The following PARD3B variants were observed in gnomAD, a reference collection of about 807,000 sequenced individuals.
PARD3B encodes par-3 family cell polarity regulator beta.
Under a neutral mutation model 130.2 loss-of-function variants are expected in PARD3B, and 103 were observed. The observed-to-expected ratio is 0.79, with a 90% CI of 0.67 to 0.93. The LOEUF is 0.93. Ranked by LOEUF, PARD3B falls within the 40% of genes least tolerant of loss-of-function variation. PARD3B has a pLI of 0.00. For synonymous variants in PARD3B, 583 were observed against 553.2 expected (o/e 1.05, Z -0.76); for missense variants, 1,609 against 1,499.2 (o/e 1.07, Z -1.21).
At chr2:204,762,116 ATT>A (rs968166780) in intron 2 of PARD3B, among the ~76,000 whole-genome samples, 1,326 of 95,270 alleles carry the variant, frequency 0.014, 2 homozygotes, top group African/African-American at 0.05. Flanking sequence ...TTCTTTTTCT[ATT>A]TTTTTTTTTT....
chr2:205,365,950 A>G (rs895713059), intron 18 of PARD3B, among the ~76,000 whole-genome samples: 1 of 152,188 alleles, frequency 6.6e-6, no homozygotes, highest in Non-Finnish European at 1.5e-5. Context: ...TATAGGTTAC[A>G]TGACCACATA....
At chr2:205,005,442 G>A (rs1275057562) in intron 3 of PARD3B, among the ~76,000 whole-genome samples, 1 of 152,120 alleles carries the variant, frequency 6.6e-6, no homozygotes, top group Non-Finnish European at 1.5e-5. Flanking sequence ...TTTAAAAATA[G>A]AGAGGTCAGC....
At chr2:205,071,907 G>C (rs558452021) in intron 4 of PARD3B, among the ~76,000 whole-genome samples, 2 of 151,818 alleles carry the variant, frequency 1.3e-5, no homozygotes, top group African/African-American at 2.4e-5. Flanking sequence ...CAAAACACTG[G>C]TCATTACATT....
At chr2:205,037,347 G>T (rs1698046573) in intron 3 of PARD3B, among the ~76,000 whole-genome samples, 2 of 89,276 alleles carry the variant, frequency 2.2e-5, no homozygotes, top group South Asian at 1.1e-3. Context: ...TATATATAGT[G>T]GACTATTTGT....
chr2:204,868,038 C>T (rs2045493178), intron 2 of PARD3B, among the ~76,000 whole-genome samples: 1 of 152,146 alleles, frequency 6.6e-6, no homozygotes, highest in African/African-American at 2.4e-5. Context: ...CTGAGAGAAA[C>T]ATCCTAGGTG....
intron 21 of PARD3B, among the ~76,000 whole-genome samples, chr2:205,524,004 A>C (rs1375598310): frequency 6.6e-6 from 1 of 151,964 alleles, no homozygotes; most frequent in Non-Finnish European, 1.5e-5. Flanking sequence ...CTGCTTCCCA[A>C]GGTTTTTTTC....
In PARD3B at chr2:205,325,010, T is replaced by G. The variant is rs576252623; in HGVS notation, c.2630+23309T>G. On this transcript the variant is annotated intron_variant, in intron 18 of 22. Coordinates refer to ENST00000406610, the MANE Select transcript of PARD3B (RefSeq NM_001302769.2). This position sits in a 1 kb window ranked among gnomAD's most constrained non-coding sequence, Gnocchi z 4.1. ...CAATTCGTTACCAAGTTCCACAAAT[T>G]CTACTCTCTAAGAATCTAAATTCTC... Among the ~76,000 whole-genome samples, 3 of 152,272 alleles carry G rather than the reference T, an allele frequency of 2.0e-5. No individual in the cohort carries two copies. Among genetic ancestry groups the G allele is most frequent in the African/African-American group, 7.2e-5 (3 of 41,564 alleles).
rs1317845427 is a variant in PARD3B, at chr2:204,907,049, C to T, written c.223-58103C>T. Among the ~76,000 whole-genome samples the T allele has an allele frequency of 6.6e-6, 1 of 151,916 alleles. No individual in the cohort carries two copies. The highest frequency in any genetic ancestry group is 1.5e-5 in the Non-Finnish European group (1 of 67,992). On this transcript the variant is annotated intron_variant, in intron 2 of 22. Transcript: ENST00000406610. The surrounding 1 kb of genome is among the most constrained non-coding windows in gnomAD (Gnocchi z 5.7). ...AGGCTGGAGTTCAGTGGCACGATCT[C>T]GGCTCACTGTAACCTCCACCTCCCG... is the stretch of plus-strand genomic sequence containing the variant.
intron 22 of PARD3B, among the ~76,000 whole-genome samples, chr2:205,602,865 G>T (rs986295869): frequency 6.6e-6 from 1 of 151,898 alleles, no homozygotes; most frequent in African/African-American, 2.4e-5. Flanking sequence ...ATTTCCTTCA[G>T]TTCTGGTCAG....
intron 21 of PARD3B, among the ~76,000 whole-genome samples, chr2:205,548,066 G>A (rs2052453308): frequency 6.6e-6 from 1 of 152,090 alleles, no homozygotes; most frequent in Non-Finnish European, 1.5e-5. Context: ...CATTTTCCTG[G>A]TTTTCTTCTG....
chr2:205,126,752 C>CAAAAAAAAAAAAAAAAAAAAAAAAA (rs4045004), intron 10 of PARD3B, among the ~76,000 whole-genome samples: 1 of 74,454 alleles, frequency 1.3e-5, no homozygotes, highest in Non-Finnish European at 2.2e-5. Flanking sequence ...GACTCCGTCT[C>CAAAAAAAAAAAAAAAAAAAAAAAAA]AAAAAAAAAA....
rs533667777 is a variant in PARD3B at position 205,404,049 on chromosome 2, A to G, written c.2741+2926A>G. Among the ~76,000 whole-genome samples, 22 of 152,336 alleles carry G rather than the reference A, an allele frequency of 1.4e-4. 1 individual carries two copies. The South Asian group carries it at 4.1e-3, about 29-fold the overall frequency. On this transcript the variant is annotated intron_variant, in intron 19 of 22. Coordinates refer to ENST00000406610, the MANE Select transcript of PARD3B (RefSeq NM_001302769.2). ...TCATTAAGAAAATTTTGGAAACATA[A>G]AAAGTATAAAAACTATTAAAACCAT...
In PARD3B at chr2:205,463,547, G is replaced by C. The variant is rs2048523857; in HGVS notation, c.3044+22875G>C. ...AAGCTCAGTGAGCTCTGAGAACGGG[G>C]AGAGAGATCATTACACTTCTGCTCA... is the stretch of plus-strand genomic sequence containing the variant. On this transcript the variant is annotated intron_variant, in intron 20 of 22. Transcript: ENST00000406610. This position sits in a 1 kb window ranked among gnomAD's most constrained non-coding sequence, Gnocchi z 4.8. Among the ~76,000 whole-genome samples the C allele has an allele frequency of 6.6e-6, 1 of 152,114 alleles. No homozygotes were observed. Among genetic ancestry groups the C allele is most frequent in the East Asian group, 1.9e-4 (1 of 5,192 alleles).
chr2:205,619,704 C>T lies in PARD3B; in HGVS notation c.*3891C>T, dbSNP rs2055540467. On this transcript the variant is annotated 3_prime_UTR_variant, in exon 23 of 23. Transcript: ENST00000406610. ...TAAAATAAGCCTAGAATCTCACACA[C>T]AGCTGTGACTTCTAAGTGAAACTCT... 6.6e-6 allele frequency: 1 copy of T among 152,226 alleles called. No homozygotes were observed. The highest frequency in any genetic ancestry group is 2.4e-5 in the African/African-American group (1 of 41,458). The allele number at this position is 152,226 out of a possible 1,614,324, so 9.4% of individuals were successfully genotyped here.
intron 10 of PARD3B, among the ~76,000 whole-genome samples, chr2:205,155,984 T>G (rs960161425): frequency 3.3e-5 from 5 of 152,104 alleles, no homozygotes; most frequent in Non-Finnish European, 5.9e-5. Context: ...GCGGCACTAT[T>G]CACAATAGCA....
intron 19 of PARD3B, among the ~76,000 whole-genome samples, chr2:205,427,397 A>G (rs906913735): frequency 3.9e-5 from 6 of 152,218 alleles, no homozygotes; most frequent in Non-Finnish European, 8.8e-5. Context: ...AAATAAACAA[A>G]AGCATGTCCA....
At chr2:205,547,760 C>T (rs1230749429) in intron 21 of PARD3B, among the ~76,000 whole-genome samples, 3 of 152,194 alleles carry the variant, frequency 2.0e-5, no homozygotes, top group Non-Finnish European at 4.4e-5. Flanking sequence ...CCAAGCATAC[C>T]TCTCATTTAG....
At chr2:205,085,041 G>A (rs567715427) in intron 4 of PARD3B, among the ~76,000 whole-genome samples, 1 of 152,096 alleles carries the variant, frequency 6.6e-6, no homozygotes, top group Non-Finnish European at 1.5e-5. Flanking sequence ...GGCAGTTATT[G>A]AGAGTACATC....
intron 18 of PARD3B, among the ~76,000 whole-genome samples, chr2:205,380,467 GAA>G (rs377523406): frequency 1.7e-4 from 4 of 22,944 alleles, no homozygotes; most frequent in Non-Finnish European, 2.3e-4. Flanking sequence ...AATATATAAA[GAA>G]TATATATTAT....
Sources: allele counts gnomAD v4.1 joint callset (sites outside exome capture counted in the v4.1 genomes callset), GRCh38; gene constraint gnomAD v4.1.1; non-coding constraint Gnocchi (gnomAD v3.1); transcripts MANE v1.5; gene names NCBI Gene and HGNC (gene_info 2026-07-23, HGNC 2026-07-21).